Variants in AGPAT4 observed in about 807,000 individuals in gnomAD.
AGPAT4 encodes 1-acylglycerol-3-phosphate O-acyltransferase 4.
Under a neutral mutation model 48.0 loss-of-function variants are expected in AGPAT4, and 15 were observed. The ratio of observed to expected loss-of-function variants is 0.31; its 90% CI spans 0.21 to 0.48. The LOEUF (loss-of-function observed/expected upper bound fraction) is 0.48, where lower values mean the gene tolerates loss of function less well. Ranked by LOEUF, AGPAT4 falls within the 20% of genes least tolerant of loss-of-function variation. The pLI is 0.99. For synonymous variants in AGPAT4, 178 were observed against 198.7 expected, an observed-to-expected ratio of 0.90 and a Z score of 0.88; for missense variants, 314 against 482.5, an observed-to-expected ratio of 0.65 and a Z score of 3.27.
rs1478363137 is a variant in AGPAT4 at position 161,140,061 on chromosome 6, C to T, written c.844-441G>A. On this transcript the variant is annotated intron_variant, in intron 7 of 8. Transcript: ENST00000320285. The surrounding 1 kb of genome is among the most constrained non-coding windows in gnomAD (Gnocchi z 6.5). ...CAGGGGACACTCGGTGGAGACCTGG[C>T]CCGCAGTCAGGAGGAGCTCGCCCAG... Among the ~76,000 whole-genome samples the T allele has an allele frequency of 6.6e-6, 1 of 152,236 alleles. No individual in the cohort carries two copies. Among genetic ancestry groups the T allele is most frequent in the Non-Finnish European group, 1.5e-5 (1 of 68,040 alleles).
intron 5 of AGPAT4, among the ~76,000 whole-genome samples, chr6:161,153,046 T>C (rs982447281): frequency 1.3e-5 from 2 of 152,228 alleles, no homozygotes; most frequent in Non-Finnish European, 2.9e-5. Context: ...CCTGCAGGCC[T>C]GGACCCAGGT....
In AGPAT4 at chr6:161,195,015, G is replaced by A. The variant is rs1781034470; in HGVS notation, c.179-28598C>T. On this transcript the variant is annotated intron_variant, in intron 2 of 8. Coordinates refer to ENST00000320285, the MANE Select transcript of AGPAT4 (RefSeq NM_020133.3). This position sits in a 1 kb window ranked among gnomAD's most constrained non-coding sequence, Gnocchi z 5.0. ...CTTACTTGCCCCGGGAGAAGCTTTG[G>A]CCACCACCTTCCAAGTCCTTGCTTA... 6.6e-6 allele frequency among the ~76,000 whole-genome samples: 1 copy of A among 152,030 alleles called. No homozygotes were observed. Among genetic ancestry groups the A allele is most frequent in the South Asian group, 2.1e-4 (1 of 4,816 alleles).
Position 161,225,884 on chromosome 6 carries a change from G to A in AGPAT4, c.178+6152C>T, listed in dbSNP as rs1254367465. On this transcript the variant is annotated intron_variant, in intron 2 of 8. Transcript: ENST00000320285. This position sits in a 1 kb window ranked among gnomAD's most constrained non-coding sequence, Gnocchi z 5.0. ...CCACAGGCAGAAGGAGGCCTAGGCG[G>A]GTCTGAGAGGCTTTAAATTCCCTTC... Among the ~76,000 whole-genome samples the A allele has an allele frequency of 2.0e-5, 3 of 152,172 alleles. No homozygotes were observed.
chr6:161,192,062 C>G (rs1415884932), intron 2 of AGPAT4, among the ~76,000 whole-genome samples: 1 of 143,738 alleles, frequency 7.0e-6, no homozygotes, highest in Non-Finnish European at 1.5e-5. Context: ...TCTCATGTTT[C>G]CATGGTGCCT....
rs1467967130 is a variant in AGPAT4 at position 161,158,309 on chromosome 6, T to C, written c.349-3999A>G. Among the ~76,000 whole-genome samples the C allele has an allele frequency of 6.6e-6, 1 of 152,226 alleles. No individual in the cohort carries two copies. The highest frequency in any genetic ancestry group is 1.5e-5 in the Non-Finnish European group (1 of 68,042). ...GCCACTCAGAGGCTTCCATGTGTGA[T>C]GCCAACAGCTTTCAGAGAGAATGTA... On this transcript the variant is annotated intron_variant, in intron 3 of 8. Transcript: ENST00000320285. The surrounding 1 kb of genome is among the most constrained non-coding windows in gnomAD (Gnocchi z 5.3).
In AGPAT4 at chr6:161,154,802, A is replaced by T. The variant is rs1280116559; in HGVS notation, c.349-492T>A. 6.6e-6 allele frequency among the ~76,000 whole-genome samples: 1 copy of T among 152,222 alleles called. No homozygotes were observed. Among genetic ancestry groups the T allele is most frequent in the Non-Finnish European group, 1.5e-5 (1 of 68,028 alleles). On this transcript the variant is annotated intron_variant, in intron 3 of 8. Coordinates refer to ENST00000320285, the MANE Select transcript of AGPAT4 (RefSeq NM_020133.3). The surrounding 1 kb of genome is among the most constrained non-coding windows in gnomAD (Gnocchi z 7.8). The stretch of plus-strand genomic sequence containing the variant: ...AAACGCTAGAAAATGTAGCATTCCT[A>T]GGTGTGAGGTTAACATCCTTCTTGA...
At position 161,223,228 on chromosome 6, in the gene AGPAT4, T is replaced by C. The variant is rs1781877530; in HGVS notation, c.178+8808A>G. 6.6e-6 allele frequency among the ~76,000 whole-genome samples: 1 copy of C among 152,138 alleles called. No homozygotes were observed. The highest frequency in any genetic ancestry group is 1.5e-5 in the Non-Finnish European group (1 of 68,018). ...GTGCTGACCCCAGTGCCTGGCCCCCTGGACTGAGCTTGGGTGCACGTTTGT... is the reference window on the plus strand; with the variant it reads ...GTGCTGACCCCAGTGCCTGGCCCCCCGGACTGAGCTTGGGTGCACGTTTGT... On this transcript the variant is annotated intron_variant, in intron 2 of 8. Transcript: ENST00000320285. This position sits in a 1 kb window ranked among gnomAD's most constrained non-coding sequence, Gnocchi z 6.3.
chr6:161,130,155 C>G lies in AGPAT4; in HGVS notation c.*6385G>C, dbSNP rs566629049. ...ACATGACAGCCCATATATCAGTTCT[C>G]TGTTTCACATTAAAAAGTTACCATT... is the stretch of plus-strand genomic sequence containing the variant. On this transcript the variant is annotated 3_prime_UTR_variant, in exon 9 of 9. Transcript: ENST00000320285. 1 of 152,340 alleles carries G rather than the reference C, an allele frequency of 6.6e-6. No homozygotes were observed. The highest frequency in any genetic ancestry group is 2.4e-5 in the African/African-American group (1 of 41,574). 9.4% of individuals were successfully genotyped at this position (152,340 alleles called of 1,614,324 possible).
chr6:161,253,862 C>A (rs1055274052), intron 1 of AGPAT4, among the ~76,000 whole-genome samples: 8 of 152,114 alleles, frequency 5.3e-5, no homozygotes, highest in South Asian at 4.1e-4. Context: ...ATGACTACCC[C>A]AAAATTAATC....
At chr6:161,190,810 T>A (rs1162466123) in intron 2 of AGPAT4, among the ~76,000 whole-genome samples, 1 of 152,204 alleles carries the variant, frequency 6.6e-6, no homozygotes, top group Non-Finnish European at 1.5e-5. Flanking sequence ...AGAAATAAAC[T>A]AATCATTAAA....
rs1782627260 is a variant in AGPAT4, at chr6:161,245,652, T to A, written c.-89-13350A>T. 6.6e-6 allele frequency among the ~76,000 whole-genome samples: 1 copy of A among 152,142 alleles called. No homozygotes were observed. The highest frequency in any genetic ancestry group is 2.1e-4 in the South Asian group (1 of 4,824). On this transcript the variant is annotated intron_variant, in intron 1 of 8. Coordinates refer to ENST00000320285, the MANE Select transcript of AGPAT4 (RefSeq NM_020133.3). This position sits in a 1 kb window ranked among gnomAD's most constrained non-coding sequence, Gnocchi z 5.2. The stretch of plus-strand genomic sequence containing the variant: ...CTTCTGCATCTCAGATACCAGAAAC[T>A]GGGCTCTTTTCTCTTTGGTAGGCCC...
rs995950963 is a variant in AGPAT4, at chr6:161,197,896, C to T, written c.179-31479G>A. Among the ~76,000 whole-genome samples, 4 of 152,208 alleles carry T rather than the reference C, an allele frequency of 2.6e-5. No homozygotes were observed. Among genetic ancestry groups the T allele is most frequent in the South Asian group, 2.1e-4 (1 of 4,838 alleles). On this transcript the variant is annotated intron_variant, in intron 2 of 8. Coordinates refer to ENST00000320285, the MANE Select transcript of AGPAT4 (RefSeq NM_020133.3). The surrounding 1 kb of genome is among the most constrained non-coding windows in gnomAD (Gnocchi z 5.7). ...TGAAATGTGGTCTTGGCCTCACTGT[C>T]AATAGCAATGAAAAGCTACACGTAG...
In AGPAT4 at chr6:161,198,810, T is replaced by C. The variant is rs1211864501; in HGVS notation, c.179-32393A>G. On this transcript the variant is annotated intron_variant, in intron 2 of 8. Transcript: ENST00000320285. This position sits in a 1 kb window ranked among gnomAD's most constrained non-coding sequence, Gnocchi z 4.3. ...TTAACAGGGAAACTGACCTGGAACG[T>C]ATATGTTGTTTCGAGTAAAGACAAA... Among the ~76,000 whole-genome samples the C allele has an allele frequency of 1.3e-5, 2 of 152,224 alleles. No individual in the cohort carries two copies. The highest frequency in any genetic ancestry group is 2.9e-5 in the Non-Finnish European group (2 of 68,044).
chr6:161,180,335 C>T lies in AGPAT4; in HGVS notation c.179-13918G>A, dbSNP rs1468116062. Among the ~76,000 whole-genome samples the T allele has an allele frequency of 6.6e-6, 1 of 152,128 alleles. No homozygotes were observed. Among genetic ancestry groups the T allele is most frequent in the African/African-American group, 2.4e-5 (1 of 41,440 alleles). On this transcript the variant is annotated intron_variant, in intron 2 of 8. Transcript: ENST00000320285. The surrounding 1 kb of genome is among the most constrained non-coding windows in gnomAD (Gnocchi z 6.4). ...AGAATTTCTACTAAAACAGGGGAGG[C>T]AAGGACCCTGTAGGAAAGACCTCAC...
At position 161,226,697 on chromosome 6, in the gene AGPAT4, A is replaced by C. The variant is rs767789170; in HGVS notation, c.178+5339T>G. Among the ~76,000 whole-genome samples, 23 of 152,240 alleles carry C rather than the reference A, an allele frequency of 1.5e-4. No homozygotes were observed. The highest frequency in any genetic ancestry group is 2.6e-4 in the Non-Finnish European group (18 of 68,044). On this transcript the variant is annotated intron_variant, in intron 2 of 8. Transcript: ENST00000320285. This position sits in a 1 kb window ranked among gnomAD's most constrained non-coding sequence, Gnocchi z 6.3. Reference sequence around the variant, plus strand: ...AAATTTTAACACATAGAATGAAAGCAGATGATAGCACATTGATGTGGCCAG... The same window carrying C: ...AAATTTTAACACATAGAATGAAAGCCGATGATAGCACATTGATGTGGCCAG...
At position 161,159,366 on chromosome 6, in the gene AGPAT4, T is replaced by C. The variant is rs1779855996; in HGVS notation, c.349-5056A>G. Among the ~76,000 whole-genome samples, 1 of 152,172 alleles carries C rather than the reference T, an allele frequency of 6.6e-6. No individual in the cohort carries two copies. Among genetic ancestry groups the C allele is most frequent in the Admixed American group, 6.5e-5 (1 of 15,282 alleles). ...CCGAGAACTCAATGCTGGTTATGATTACCTGTGGCCTTGAGGTGCCCAGAG... is the reference window on the plus strand; with the variant it reads ...CCGAGAACTCAATGCTGGTTATGATCACCTGTGGCCTTGAGGTGCCCAGAG... On this transcript the variant is annotated intron_variant, in intron 3 of 8. Transcript: ENST00000320285. The surrounding 1 kb of genome is among the most constrained non-coding windows in gnomAD (Gnocchi z 4.1).
In AGPAT4 at chr6:161,232,456, A is replaced by C. The variant is rs978924150; in HGVS notation, c.-89-154T>G. Among the ~76,000 whole-genome samples the C allele has an allele frequency of 2.0e-5, 3 of 152,308 alleles. No homozygotes were observed. Among genetic ancestry groups the C allele is most frequent in the Admixed American group, 2.0e-4 (3 of 15,300 alleles). On this transcript the variant is annotated intron_variant, in intron 1 of 8. Coordinates refer to ENST00000320285, the MANE Select transcript of AGPAT4 (RefSeq NM_020133.3). The surrounding 1 kb of genome is among the most constrained non-coding windows in gnomAD (Gnocchi z 6.8). ...TTTTGCAAACATTGATGTAGTGCTT[A>C]CTTCCTGTCGAGCATAGTCTAAGCC...
In AGPAT4 at chr6:161,208,255, G is replaced by C. The variant is rs563027003; in HGVS notation, c.178+23781C>G. Among the ~76,000 whole-genome samples the C allele has an allele frequency of 3.9e-4, 59 of 152,246 alleles. No homozygotes were observed. The highest frequency in any genetic ancestry group is 1.3e-3 in the African/African-American group (52 of 41,546). On this transcript the variant is annotated intron_variant, in intron 2 of 8. Coordinates refer to ENST00000320285, the MANE Select transcript of AGPAT4 (RefSeq NM_020133.3). This position sits in a 1 kb window ranked among gnomAD's most constrained non-coding sequence, Gnocchi z 4.6. ...ACCAAGACAAGCACTGTTACTAAAA[G>C]TAAGCTACTCAGTATTCAGAGACTC...
intron 5 of AGPAT4, among the ~76,000 whole-genome samples, chr6:161,152,039 G>A (rs1161733748): frequency 6.6e-6 from 1 of 152,042 alleles, no homozygotes; most frequent in Non-Finnish European, 1.5e-5. Context: ...GGCCCGGTGG[G>A]CCCTCGGTTC....
Sources: gnomAD v4.1 joint callset for allele counts (sites outside exome capture counted in the v4.1 genomes callset) on GRCh38, gnomAD v4.1.1 for gene constraint, Gnocchi (gnomAD v3.1) non-coding constraint, MANE v1.5 for transcripts, NCBI Gene and HGNC (gene_info 2026-07-23, HGNC 2026-07-21) for gene names.